The following MAGI2 variants were observed in gnomAD, a reference collection of about 807,000 sequenced individuals.
MAGI2 encodes membrane associated guanylate kinase, WW and PDZ domain containing 2, also known as membrane-associated guanylate kinase, WW and PDZ domain-containing protein 2.
In MAGI2, 35 loss-of-function variants were observed where a neutral mutation model predicts 133.3. That is an observed-to-expected ratio of 0.26 (90% CI 0.20 to 0.35). The LOEUF is 0.35. Ranked by LOEUF, MAGI2 falls within the 10% of genes least tolerant of loss-of-function variation. MAGI2 has a pLI of 1.00. For missense variants in MAGI2, 1,636 were observed against 1,863.4 expected (o/e 0.88, Z 2.25); for synonymous variants, 729 against 710.6 (o/e 1.03, Z -0.41).
chr7:79,367,878 T>TATA (rs1446885185), intron 1 of MAGI2, among the ~76,000 whole-genome samples: 4 of 116,604 alleles, frequency 3.4e-5, no homozygotes, highest in Admixed American at 8.7e-5. Context: ...TATATATATG[T>TATA]CATTGACTGG....
At chr7:78,855,188 A>C (rs967749153) in intron 2 of MAGI2, among the ~76,000 whole-genome samples, 2 of 152,160 alleles carry the variant, frequency 1.3e-5, no homozygotes, top group African/African-American at 4.8e-5. Context: ...TCCTGGGCTC[A>C]AGCCATCCTA....
chr7:79,032,421 G>A (rs529547690), intron 1 of MAGI2, among the ~76,000 whole-genome samples: 1 of 151,752 alleles, frequency 6.6e-6, no homozygotes, highest in East Asian at 1.9e-4. Flanking sequence ...GGGAGGCTGA[G>A]GCAGGAAACT....
At chr7:78,639,772 C>T (rs1224638067) in intron 2 of MAGI2, among the ~76,000 whole-genome samples, 1 of 152,122 alleles carries the variant, frequency 6.6e-6, no homozygotes, top group African/African-American at 2.4e-5. Flanking sequence ...AAATTCTCCC[C>T]ATTCAGGCCA....
At chr7:78,541,234 T>G (rs1023840635) in intron 3 of MAGI2, among the ~76,000 whole-genome samples, 8 of 152,228 alleles carry the variant, frequency 5.3e-5, no homozygotes, top group Non-Finnish European at 1.2e-4. Context: ...AAGTCTTAAT[T>G]TTTTGAAAGA....
chr7:79,261,998 G>A (rs1834124926), intron 1 of MAGI2, among the ~76,000 whole-genome samples: 1 of 152,086 alleles, frequency 6.6e-6, no homozygotes, highest in Admixed American at 6.6e-5. Flanking sequence ...TGCAAATATA[G>A]TATCAAATGA....
chr7:78,415,232 T>G (rs1054726962), intron 6 of MAGI2, among the ~76,000 whole-genome samples: 10 of 152,068 alleles, frequency 6.6e-5, no homozygotes, highest in Non-Finnish European at 1.5e-4. Flanking sequence ...GCAGGAAATC[T>G]CAAGACCTAT....
intron 15 of MAGI2, among the ~76,000 whole-genome samples, chr7:78,162,451 G>A (rs1825143625): frequency 6.6e-6 from 1 of 151,514 alleles, no homozygotes; most frequent in South Asian, 2.1e-4. Context: ...CGTGAACCCG[G>A]GAGGCAGAGC....
At chr7:78,776,393 T>C (rs951650659) in intron 2 of MAGI2, among the ~76,000 whole-genome samples, 2 of 152,254 alleles carry the variant, frequency 1.3e-5, no homozygotes, top group South Asian at 2.1e-4. Context: ...TGTATTTCTT[T>C]ATAATTGATC....
intron 3 of MAGI2, among the ~76,000 whole-genome samples, chr7:78,556,746 T>A (rs955678837): frequency 1.3e-5 from 2 of 152,100 alleles, no homozygotes; most frequent in African/African-American, 4.8e-5. Flanking sequence ...CCCTTCTCTT[T>A]CCTGTGTGAA....
chr7:78,260,026 A>T (rs1793366202), intron 9 of MAGI2, among the ~76,000 whole-genome samples: 1 of 152,188 alleles, frequency 6.6e-6, no homozygotes, highest in South Asian at 2.1e-4. Flanking sequence ...CAATATCTTT[A>T]TGAAGATACG....
Position 79,305,549 on chromosome 7 carries a change from C to G in MAGI2, c.301+147471G>C, listed in dbSNP as rs1585503347. The stretch of plus-strand genomic sequence containing the variant: ...TTAGAACTAATTTGACCATGTAACT[C>G]TTCCTTATCTCATTTTGATTTTTAA... On this transcript the variant is annotated intron_variant, in intron 1 of 21. Transcript: ENST00000354212. Among the ~76,000 whole-genome samples, 7 of 152,206 alleles carry G rather than the reference C, an allele frequency of 4.6e-5. No individual in the cohort carries two copies. In the South Asian group the frequency reaches 1.4e-3, roughly 32 times the overall value.
intron 1 of MAGI2, among the ~76,000 whole-genome samples, chr7:79,202,200 G>A (rs1412277694): frequency 1.3e-5 from 2 of 151,828 alleles, no homozygotes; most frequent in East Asian, 3.9e-4. Flanking sequence ...CCTTTCAGTG[G>A]GCAGGGTGGT....
At chr7:78,976,195 C>A (rs1428818601) in intron 2 of MAGI2, among the ~76,000 whole-genome samples, 1 of 151,524 alleles carries the variant, frequency 6.6e-6, no homozygotes. Context: ...TATTATCAAG[C>A]CACATCAAAA....
chr7:79,340,161 T>C lies in MAGI2; in HGVS notation c.301+112859A>G, dbSNP rs17152273. Among the ~76,000 whole-genome samples, 1,065 of 152,292 alleles carry C rather than the reference T, an allele frequency of 7.0e-3. 49 individuals carry two copies. Among genetic ancestry groups the C allele is most frequent in the Admixed American group, 0.059 (908 of 15,264 alleles). On this transcript the variant is annotated intron_variant, in intron 1 of 21. Transcript: ENST00000354212. ...TTTTCATGGACTCTAATTATGAATA[T>C]ATAGCTTCTGCCTTGTCTGGTTTAT...
chr7:78,367,240 C>A (rs1291834052), intron 7 of MAGI2, among the ~76,000 whole-genome samples: 1 of 152,160 alleles, frequency 6.6e-6, no homozygotes, highest in African/African-American at 2.4e-5. Flanking sequence ...GCAGAACACA[C>A]ATCTCGATGA....
intron 6 of MAGI2, among the ~76,000 whole-genome samples, chr7:78,455,539 C>T (rs547547173): frequency 4.1e-4 from 63 of 152,092 alleles, no homozygotes; most frequent in Non-Finnish European, 8.2e-4. Flanking sequence ...CATTATTTAA[C>T]CCCAATTTCT....
chr7:78,419,242 G>C (rs1476468312), intron 6 of MAGI2, among the ~76,000 whole-genome samples: 2 of 152,110 alleles, frequency 1.3e-5, no homozygotes, highest in Non-Finnish European at 2.9e-5. Context: ...ACTACAAAGA[G>C]GGGTATTTTG....
At chr7:78,814,787 A>G (rs1296165793) in intron 2 of MAGI2, among the ~76,000 whole-genome samples, 1 of 152,118 alleles carries the variant, frequency 6.6e-6, no homozygotes, top group Non-Finnish European at 1.5e-5. Flanking sequence ...CAGTGCTGCA[A>G]TCATGGCTCA....
intron 3 of MAGI2, among the ~76,000 whole-genome samples, chr7:78,550,756 G>GA (rs1554470402): frequency 6.8e-6 from 1 of 147,148 alleles, no homozygotes; most frequent in Non-Finnish European, 1.5e-5. Context: ...CCTCTGAACA[G>GA]TTTTTTTTTT....
Sources: allele counts gnomAD v4.1 joint callset (sites outside exome capture counted in the v4.1 genomes callset), GRCh38; gene constraint gnomAD v4.1.1; transcripts MANE v1.5; gene names NCBI Gene and HGNC (gene_info 2026-07-23, HGNC 2026-07-21).